The following ALG5 variants were observed in gnomAD, a reference collection of about 807,000 sequenced individuals.
ALG5 encodes ALG5 dolichyl-phosphate beta-glucosyltransferase.
Under a neutral mutation model 51.8 loss-of-function variants are expected in ALG5, and 26 were observed. That is an observed-to-expected ratio of 0.50 (90% CI 0.37 to 0.70). The LOEUF is 0.70. Among genes scored for constraint, ALG5 ranks in the 30% least tolerant of loss-of-function variants. The probability of loss-of-function intolerance (pLI) is 0.00; values close to 1 mark genes in which losing one functional copy is unlikely to be tolerated. For synonymous variants in ALG5, 141 were observed against 136.1 expected, an observed-to-expected ratio of 1.04 and a Z score of -0.25; for missense variants, 311 against 399.3, an observed-to-expected ratio of 0.78 and a Z score of 1.88.
chr13:36,964,423 G>A (rs976402793), intron 8 of ALG5, among the ~76,000 whole-genome samples: 2 of 152,166 alleles, frequency 1.3e-5, no homozygotes, highest in African/African-American at 2.4e-5. Flanking sequence ...GAACACAAAA[G>A]CTAAAATCAA....
At chr13:36,967,631 T>C (rs908541588) in intron 7 of ALG5, 3 of 352,116 alleles carry the variant, frequency 8.5e-6, no homozygotes, top group Non-Finnish European at 1.7e-5. Context: ...TCATTTATCA[T>C]CTAGAATCAT....
intron 7 of ALG5, among the ~76,000 whole-genome samples, chr13:36,970,937 G>A (rs1042607192): frequency 6.6e-6 from 1 of 152,050 alleles, no homozygotes; most frequent in Non-Finnish European, 1.5e-5. Context: ...AAAATAAAAA[G>A]AGAGTCTGGG....
At chr13:36,989,422 G>C in intron 5 of ALG5, 62 bp downstream of exon 5, 1 of 1,299,914 alleles carries the variant, frequency 7.7e-7, no homozygotes, top group Non-Finnish European at 1.1e-6. Flanking sequence ...ATACAAGTCT[G>C]CAAAAGACAT....
chr13:36,970,707 G>A (rs1389164168), intron 7 of ALG5, among the ~76,000 whole-genome samples: 1 of 152,220 alleles, frequency 6.6e-6, no homozygotes, highest in Non-Finnish European at 1.5e-5. Context: ...AAGGTCAGGA[G>A]TTTGAGACCA....
intron 3 of ALG5, 106 bp downstream of exon 3, chr13:36,994,883 G>A: frequency 1.1e-6 from 1 of 937,340 alleles, no homozygotes; most frequent in Non-Finnish European, 1.7e-6. Context: ...AGCGATCGGG[G>A]TGCTGCCAGG....
At chr13:36,967,877 T>C in intron 7 of ALG5, 2 of 980,860 alleles carry the variant, frequency 2.0e-6, no homozygotes, top group South Asian at 1.4e-5. Flanking sequence ...ACAATACCTA[T>C]AAATTATTCT....
At chr13:36,979,827 G>C (rs1009705695) in intron 6 of ALG5, among the ~76,000 whole-genome samples, 3 of 152,060 alleles carry the variant, frequency 2.0e-5, no homozygotes. Context: ...AGGGCTGACT[G>C]CTTGAGGTCA....
chr13:36,995,429 T>G lies in ALG5; in HGVS notation c.234A>C (p.Lys78Asn), dbSNP rs1200446865. The change falls in exon 2 of 10, where the codon AAA (lysine) becomes AAC (asparagine). Residue 78 changes from lysine to asparagine, a missense_variant. Transcript: ENST00000239891. ...AAAAATCAAAACAGGGCTTACACCG[T>G]TTTTCTTCATTGTATGAAGGCACAA... ...SVVVPSYNEE[K>N]RLPVMMDEAL... 2.5e-6 allele frequency: 4 copies of G among 1,608,158 alleles called. No homozygotes were observed. The highest frequency in any genetic ancestry group is 3.4e-6 in the Non-Finnish European group (4 of 1,178,594).
intron 6 of ALG5, among the ~76,000 whole-genome samples, chr13:36,980,903 G>A (rs1453816873): frequency 1.3e-5 from 2 of 152,060 alleles, no homozygotes; most frequent in Non-Finnish European, 2.9e-5. Context: ...AAGCCCAAGA[G>A]GCAGAGGTTG....
intron 1 of ALG5, chr13:36,998,916 C>T: frequency 3.6e-6 from 1 of 276,644 alleles, no homozygotes; most frequent in Non-Finnish European, 6.7e-6. Context: ...TCGAGGTTGA[C>T]AGAGGAGGTG....
In ALG5 at chr13:36,960,513, C is replaced by CAT. The variant is rs766110179; in HGVS notation, c.773+5060_773+5061dup. On this transcript the variant is annotated intron_variant, in intron 8 of 9. Coordinates refer to ENST00000239891, the MANE Select transcript of ALG5 (RefSeq NM_013338.5). ...GCAAAGTTCATTTCAAAGAAAAAAA[C>CAT]ATATATATATTATTATTGAGACAGG... is the stretch of plus-strand genomic sequence containing the variant. Among the ~76,000 whole-genome samples the CAT allele has an allele frequency of 2.3e-4, 35 of 151,844 alleles. No homozygotes were observed. The East Asian group carries it at 3.7e-3, about 16-fold the overall frequency.
At chr13:36,964,408 T>C (rs779371039) in intron 8 of ALG5, among the ~76,000 whole-genome samples, 2 of 151,904 alleles carry the variant, frequency 1.3e-5, no homozygotes, top group Admixed American at 6.6e-5. Flanking sequence ...TGGAGAGAAA[T>C]GGAGGAACAC....
chr13:36,998,221 A>G (rs941530692), intron 1 of ALG5, among the ~76,000 whole-genome samples: 1 of 152,082 alleles, frequency 6.6e-6, no homozygotes, highest in Non-Finnish European at 1.5e-5. Flanking sequence ...CAATCAATCA[A>G]TCAATCCTGG....
chr13:36,950,035 C>G lies in ALG5; in HGVS notation c.882G>C (p.Trp294Cys), dbSNP rs2058811582. 1 of 1,609,362 alleles carries G rather than the reference C, an allele frequency of 6.2e-7. No homozygotes were observed. Among genetic ancestry groups the G allele is most frequent in the Non-Finnish European group, 8.5e-7 (1 of 1,177,704 alleles). ...EIEGSKLVPF[W>C]SWLQMGKDLL... ...GGTCTTTACCCATTTGTAGCCAGCT[C>G]CAGAATGGAACTAATTTAGAACCTG... Residue 294 changes from tryptophan (W) to cysteine (C), a missense_variant, in exon 10 of 10, where the codon TGG (tryptophan) becomes TGC (cysteine). Transcript: ENST00000239891.
At chr13:36,963,219 T>C (rs972418390) in intron 8 of ALG5, among the ~76,000 whole-genome samples, 7 of 152,354 alleles carry the variant, frequency 4.6e-5, no homozygotes, top group African/African-American at 1.7e-4. Context: ...CCCAAAGAAC[T>C]GGGATTACAG....
Position 36,965,795 on chromosome 13 carries a change from C to A in ALG5, c.622-69G>T, listed in dbSNP as rs182253066. ...TAAAGGAGACACTGAAAACACCTGG[C>A]TGTAGACAACTGTATTTTAATATTT... On this transcript the variant is annotated intron_variant, in intron 7 of 9. Coordinates refer to ENST00000239891, the MANE Select transcript of ALG5 (RefSeq NM_013338.5). 16 of 1,294,904 alleles carry A rather than the reference C, an allele frequency of 1.2e-5. No individual in the cohort carries two copies. In the Admixed American group the frequency reaches 3.6e-4, roughly 29 times the overall value. 80.2% of individuals were successfully genotyped at this position (1,294,904 alleles called of 1,614,324 possible).
At chr13:36,957,016 CA>C (rs1566056899) in intron 8 of ALG5, among the ~76,000 whole-genome samples, 2 of 151,918 alleles carry the variant, frequency 1.3e-5, no homozygotes, top group African/African-American at 4.8e-5. Flanking sequence ...GATGGCTAGC[CA>C]CCGAAGAAGG....
At chr13:36,959,901 A>G (rs1171477495) in intron 8 of ALG5, among the ~76,000 whole-genome samples, 2 of 151,894 alleles carry the variant, frequency 1.3e-5, no homozygotes, top group Non-Finnish European at 2.9e-5. Flanking sequence ...ATCACAGGCC[A>G]GAGAGCAAGC....
chr13:36,966,210 T>C (rs893810184), intron 7 of ALG5, among the ~76,000 whole-genome samples: 1 of 152,204 alleles, frequency 6.6e-6, no homozygotes, highest in Non-Finnish European at 1.5e-5. Flanking sequence ...ATGAAGGTTA[T>C]GGACTAGAAA....
Sources: gnomAD v4.1 joint callset for allele counts (sites outside exome capture counted in the v4.1 genomes callset) on GRCh38, gnomAD v4.1.1 for gene constraint, MANE v1.5 for transcripts, NCBI Gene and HGNC (gene_info 2026-07-23, HGNC 2026-07-21) for gene names.